Variants in GFRA1 observed in about 807,000 individuals in gnomAD.
The protein encoded by GFRA1 is GDNF family receptor alpha-1.
GFRA1 carries 16 observed loss-of-function variants against 51.6 expected under a neutral mutation model. The ratio of observed to expected loss-of-function variants is 0.31; its 90% CI spans 0.21 to 0.47. The LOEUF is 0.47. GFRA1 is among the 20% of genes least tolerant of loss of function. GFRA1 has a pLI of 1.00. For synonymous variants in GFRA1, 270 were observed against 241.3 expected, an observed-to-expected ratio of 1.12 and a Z score of -1.10; for missense variants, 530 against 594.3, an observed-to-expected ratio of 0.89 and a Z score of 1.13.
chr10:116,206,694 G>A (rs1382448499), intron 5 of GFRA1, among the ~76,000 whole-genome samples: 1 of 140,816 alleles, frequency 7.1e-6, no homozygotes, highest in African/African-American at 2.7e-5. Context: ...GTGCAGCCGC[G>A]CGATCTCGGC....
intron 5 of GFRA1, among the ~76,000 whole-genome samples, chr10:116,210,374 A>G (rs934407176): frequency 6.6e-6 from 1 of 152,180 alleles, no homozygotes; most frequent in Non-Finnish European, 1.5e-5. Context: ...CACAGAAAAA[A>G]AAATGATCTG....
At chr10:116,180,793 C>A (rs528860113) in intron 5 of GFRA1, among the ~76,000 whole-genome samples, 1 of 152,160 alleles carries the variant, frequency 6.6e-6, no homozygotes, top group Admixed American at 6.5e-5. Flanking sequence ...TTCCACCACC[C>A]CTCCACCACC....
At chr10:116,248,463 C>T (rs1349577670) in intron 4 of GFRA1, among the ~76,000 whole-genome samples, 1 of 152,234 alleles carries the variant, frequency 6.6e-6, no homozygotes, top group African/African-American at 2.4e-5. Flanking sequence ...ACAGGCCCCA[C>T]AACGAGTCAC....
intron 5 of GFRA1, among the ~76,000 whole-genome samples, chr10:116,136,457 C>T (rs1468308374): frequency 6.6e-6 from 1 of 152,196 alleles, no homozygotes; most frequent in Non-Finnish European, 1.5e-5. Flanking sequence ...TGTGAGCCAG[C>T]CGAGTAACAA....
intron 4 of GFRA1, among the ~76,000 whole-genome samples, chr10:116,248,437 C>A (rs1968049718): frequency 6.6e-6 from 1 of 152,174 alleles, no homozygotes; most frequent in Non-Finnish European, 1.5e-5. Context: ...GATCTCCAGA[C>A]AACTTCAAAT....
intron 6 of GFRA1, among the ~76,000 whole-genome samples, chr10:116,118,240 A>G (rs914067075): frequency 6.6e-6 from 1 of 152,148 alleles, no homozygotes; most frequent in Non-Finnish European, 1.5e-5. Flanking sequence ...CTCTGCGCTC[A>G]TCGCTTCTCA....
chr10:116,268,145 T>C (rs914982707), intron 4 of GFRA1, among the ~76,000 whole-genome samples: 49 of 152,200 alleles, frequency 3.2e-4, no homozygotes, highest in African/African-American at 1.2e-3. Context: ...ATGATGCCGG[T>C]ATAAGAACCA....
intron 4 of GFRA1, among the ~76,000 whole-genome samples, chr10:116,233,477 T>C (rs1282670825): frequency 6.6e-6 from 1 of 152,216 alleles, no homozygotes; most frequent in East Asian, 1.9e-4. Flanking sequence ...TATGATTTCC[T>C]GCACAGACAC....
At chr10:116,120,681 A>C (rs776465053) in intron 6 of GFRA1, among the ~76,000 whole-genome samples, 8 of 152,232 alleles carry the variant, frequency 5.3e-5, no homozygotes, top group Admixed American at 2.0e-4. Flanking sequence ...ACTGGTGTTC[A>C]AGGTGGAGGG....
intron 6 of GFRA1, among the ~76,000 whole-genome samples, chr10:116,120,604 A>G (rs1445074475): frequency 6.6e-6 from 1 of 152,190 alleles, no homozygotes; most frequent in Non-Finnish European, 1.5e-5. Context: ...ATAATTAAAT[A>G]AAAGAAAAAA....
rs1954807356 is a variant in GFRA1, at chr10:116,061,321, A to T, written c.*3077T>A. The T allele has an allele frequency of 6.6e-6, 1 of 152,156 alleles. No individual in the cohort carries two copies. The highest frequency in any genetic ancestry group is 1.5e-5 in the Non-Finnish European group (1 of 68,032). The allele number at this position is 152,156 out of a possible 1,614,324, so 9.4% of individuals were successfully genotyped here. Reference sequence around the variant, plus strand: ...CGTTTGCTATACTTCATGAAAAATAACCTATGTTAATCTCAACTTATACTT... The same window carrying T: ...CGTTTGCTATACTTCATGAAAAATATCCTATGTTAATCTCAACTTATACTT... On this transcript the variant is annotated 3_prime_UTR_variant, in exon 11 of 11. Transcript: ENST00000355422.
chr10:116,136,052 T>C (rs1197228856), intron 5 of GFRA1, among the ~76,000 whole-genome samples: 4 of 152,224 alleles, frequency 2.6e-5, no homozygotes, highest in Non-Finnish European at 5.9e-5. Flanking sequence ...GCCTATTTGT[T>C]TAATTTTCTA....
chr10:116,161,482 A>G (rs1185945812), intron 5 of GFRA1, among the ~76,000 whole-genome samples: 1 of 152,206 alleles, frequency 6.6e-6, no homozygotes, highest in East Asian at 1.9e-4. Flanking sequence ...TGGCATGAAA[A>G]TGTATACCCT....
chr10:116,100,787 G>A lies in GFRA1; in HGVS notation c.771-4023C>T, dbSNP rs368574974. Among the ~76,000 whole-genome samples the A allele has an allele frequency of 2.2e-4, 34 of 152,280 alleles. No individual in the cohort carries two copies. In the East Asian group the frequency reaches 4.6e-3, roughly 21 times the overall value. On this transcript the variant is annotated intron_variant, in intron 6 of 10. Transcript: ENST00000355422. ...AGGAGGGGAAGGGGTGGTTCCCTAG[G>A]AGACCGTGGCCATGAACCAGAGCAA...
At position 116,237,592 on chromosome 10, in the gene GFRA1, A is replaced by G. The variant is rs1010933561; in HGVS notation, c.419-25947T>C. On this transcript the variant is annotated intron_variant, in intron 4 of 10. Transcript: ENST00000355422. ...CTAAAGGCAAAAAAAAAAAAAAAAA[A>G]GCAAGAAGAACGACTCTGCTCTCTT... Among the ~76,000 whole-genome samples, 12 of 132,760 alleles carry G rather than the reference A, an allele frequency of 9.0e-5. No homozygotes were observed. The South Asian group carries it at 1.0e-3, about 11-fold the overall frequency. 87.1% of individuals were successfully genotyped at this position (132,760 alleles called of 152,430 possible). A position where few individuals can be genotyped will look rare whatever the true frequency, so the allele number is the denominator to read the frequency against.
chr10:116,174,064 G>C (rs768683093), intron 5 of GFRA1, among the ~76,000 whole-genome samples: 1 of 151,628 alleles, frequency 6.6e-6, no homozygotes, highest in African/African-American at 2.4e-5. Flanking sequence ...TGGGCAACAA[G>C]AGCGAAACTC....
At chr10:116,187,017 T>C (rs1322651939) in intron 5 of GFRA1, among the ~76,000 whole-genome samples, 1 of 152,220 alleles carries the variant, frequency 6.6e-6, no homozygotes, top group Non-Finnish European at 1.5e-5. Flanking sequence ...GGAATTTTAA[T>C]GTTAAAACTC....
At chr10:116,262,763 C>T (rs925692403) in intron 4 of GFRA1, among the ~76,000 whole-genome samples, 4 of 152,140 alleles carry the variant, frequency 2.6e-5, no homozygotes, top group African/African-American at 9.7e-5. Context: ...TGTAAGTGTA[C>T]TTAGCAAAGC....
At chr10:116,263,257 C>T (rs1969421901) in intron 4 of GFRA1, among the ~76,000 whole-genome samples, 1 of 152,136 alleles carries the variant, frequency 6.6e-6, no homozygotes, top group African/African-American at 2.4e-5. Context: ...GAAAAGAGTC[C>T]CAGTCTTGAG....
Sources: allele counts gnomAD v4.1 joint callset (sites outside exome capture counted in the v4.1 genomes callset), GRCh38; gene constraint gnomAD v4.1.1; transcripts MANE v1.5; gene names NCBI Gene and HGNC (gene_info 2026-07-23, HGNC 2026-07-21).